LRRC4C: variants seen among roughly 807,000 people sequenced by gnomAD.
LRRC4C encodes leucine-rich repeat-containing protein 4C.
In LRRC4C, 5 loss-of-function variants were observed where a neutral mutation model predicts 33.6. The ratio of observed to expected loss-of-function variants is 0.15; its 90% CI spans 0.08 to 0.31. The LOEUF (loss-of-function observed/expected upper bound fraction) is 0.31. Among genes scored for constraint, LRRC4C ranks in the 10% least tolerant of loss-of-function variants. The pLI, the probability that LRRC4C is intolerant of heterozygous loss-of-function variation, is 1.00. For synonymous variants in LRRC4C, 329 were observed against 302.0 expected, an observed-to-expected ratio of 1.09 and a Z score of -0.93; for missense variants, 560 against 796.7, an observed-to-expected ratio of 0.70 and a Z score of 3.58.
At chr11:40,356,592 T>A (rs1179829257) in intron 3 of LRRC4C, among the ~76,000 whole-genome samples, 1 of 152,138 alleles carries the variant, frequency 6.6e-6, no homozygotes, top group Non-Finnish European at 1.5e-5. Flanking sequence ...GGTGATCTCA[T>A]TCTATTGAAC....
intron 3 of LRRC4C, among the ~76,000 whole-genome samples, chr11:40,553,283 A>AAAAC (rs71461172): frequency 0.57 from 86,002 of 150,956 alleles, 24,826 homozygotes; most frequent in East Asian, 0.81. Flanking sequence ...AAAACAAACA[A>AAAAC]AAACAAACAA....
intron 3 of LRRC4C, among the ~76,000 whole-genome samples, chr11:40,593,770 A>C (rs1023784213): frequency 1.3e-5 from 2 of 152,242 alleles, no homozygotes; most frequent in South Asian, 2.1e-4. Flanking sequence ...CCTCTCCTGC[A>C]TAATAAGATT....
chr11:41,393,935 C>A (rs1031673091), intron 1 of LRRC4C, among the ~76,000 whole-genome samples: 1 of 151,936 alleles, frequency 6.6e-6, no homozygotes, highest in Non-Finnish European at 1.5e-5. Context: ...AATTAGGCTA[C>A]CTTTAGCCCA....
intron 2 of LRRC4C, among the ~76,000 whole-genome samples, chr11:40,867,715 C>T (rs61886582): frequency 0.14 from 21,031 of 152,028 alleles, 1,620 homozygotes; most frequent in African/African-American, 0.2. Flanking sequence ...GATGCTAAGA[C>T]GGAAATGACA....
At chr11:40,367,734 T>A (rs1265703923) in intron 3 of LRRC4C, among the ~76,000 whole-genome samples, 1 of 152,170 alleles carries the variant, frequency 6.6e-6, no homozygotes, top group Non-Finnish European at 1.5e-5. Context: ...GCCTTCCTGA[T>A]ATTTTTTATT....
intron 1 of LRRC4C, among the ~76,000 whole-genome samples, chr11:41,167,583 A>G (rs1040176262): frequency 1.3e-5 from 2 of 152,228 alleles, no homozygotes; most frequent in South Asian, 2.1e-4. Flanking sequence ...CACTTAATCA[A>G]CTCCACAACT....
At chr11:40,660,382 C>G (rs1485628443) in intron 2 of LRRC4C, among the ~76,000 whole-genome samples, 1 of 152,162 alleles carries the variant, frequency 6.6e-6, no homozygotes, top group Non-Finnish European at 1.5e-5. Context: ...AAGCAGAACT[C>G]GGGCAAAGGC....
intron 1 of LRRC4C, among the ~76,000 whole-genome samples, chr11:41,037,617 T>C (rs750123285): frequency 2.3e-5 from 3 of 129,316 alleles, no homozygotes; most frequent in Non-Finnish European, 5.2e-5. Context: ...CTAAGACATT[T>C]GCTCATACTA....
chr11:41,076,323 T>G (rs571803686), intron 1 of LRRC4C, among the ~76,000 whole-genome samples: 1 of 152,212 alleles, frequency 6.6e-6, no homozygotes, highest in Non-Finnish European at 1.5e-5. Context: ...GATGTATTAG[T>G]CCATCCTCAC....
chr11:40,127,283 C>CAAAGACAA (rs753390319), intron 6 of LRRC4C, among the ~76,000 whole-genome samples: 20 of 141,052 alleles, frequency 1.4e-4, no homozygotes, highest in Admixed American at 2.8e-4. Context: ...TCAAAAAAAG[C>CAAAGACAA]AAAAAAAAAA....
chr11:40,142,254 G>T (rs1857418166), intron 5 of LRRC4C, among the ~76,000 whole-genome samples: 1 of 126,342 alleles, frequency 7.9e-6, no homozygotes, highest in African/African-American at 3.0e-5. Flanking sequence ...ACTCCAGTCG[G>T]GTGACACAGT....
At chr11:40,680,648 TG>T (rs1944641638) in intron 2 of LRRC4C, among the ~76,000 whole-genome samples, 1 of 152,184 alleles carries the variant, frequency 6.6e-6, no homozygotes, top group South Asian at 2.1e-4. Context: ...ACATAAGGTA[TG>T]ACTTGCTCCT....
chr11:40,887,687 T>C (rs1392421868), intron 2 of LRRC4C, among the ~76,000 whole-genome samples: 1 of 152,056 alleles, frequency 6.6e-6, no homozygotes, highest in Non-Finnish European at 1.5e-5. Context: ...GGTAGGTCTA[T>C]GATCTCTCCA....
At chr11:41,184,243 T>C (rs1404727922) in intron 1 of LRRC4C, among the ~76,000 whole-genome samples, 1 of 151,374 alleles carries the variant, frequency 6.6e-6, no homozygotes, top group African/African-American at 2.4e-5. Flanking sequence ...TAAATTTCTC[T>C]TCAGAAAATG....
intron 3 of LRRC4C, among the ~76,000 whole-genome samples, chr11:40,582,885 T>G (rs1958537814): frequency 6.6e-6 from 1 of 152,176 alleles, no homozygotes; most frequent in Admixed American, 6.5e-5. Context: ...TATGTTTTGA[T>G]ACATGCATAC....
intron 1 of LRRC4C, among the ~76,000 whole-genome samples, chr11:41,313,142 C>A (rs973860792): frequency 6.6e-6 from 1 of 152,150 alleles, no homozygotes; most frequent in African/African-American, 2.4e-5. Context: ...TTCAAATTGG[C>A]AGTAGGCCAG....
At chr11:40,255,450 T>C (rs1041634583) in intron 4 of LRRC4C, among the ~76,000 whole-genome samples, 5 of 152,236 alleles carry the variant, frequency 3.3e-5, no homozygotes, top group Non-Finnish European at 5.9e-5. Flanking sequence ...AACGTTCTGA[T>C]ATATCTGTCC....
chr11:40,278,859 G>T lies in LRRC4C; in HGVS notation c.-175-37261C>A, dbSNP rs190651477. On this transcript the variant is annotated intron_variant, in intron 4 of 6. Coordinates refer to ENST00000528697, the MANE Select transcript of LRRC4C (RefSeq NM_001258419.2). ...CAATAGCCCCTGAGTTCCATCTGGG[G>T]GTGCACTGACCCTCTACTCCCTTAC... Among the ~76,000 whole-genome samples, 532 of 152,146 alleles carry T rather than the reference G, an allele frequency of 3.5e-3. 2 individuals are homozygous for T. The highest frequency in any genetic ancestry group is 9.3e-3 in the African/African-American group (388 of 41,526).
intron 1 of LRRC4C, among the ~76,000 whole-genome samples, chr11:41,269,233 G>A (rs1413949245): frequency 6.6e-6 from 1 of 151,926 alleles, no homozygotes; most frequent in African/African-American, 2.4e-5. Context: ...AGTGCTCAGT[G>A]AGAAATAAGT....
Sources: gnomAD v4.1 joint callset for allele counts (sites outside exome capture counted in the v4.1 genomes callset) on GRCh38, gnomAD v4.1.1 for gene constraint, MANE v1.5 for transcripts, NCBI Gene and HGNC (gene_info 2026-07-23, HGNC 2026-07-21) for gene names.